SDK1: variants seen among roughly 807,000 people sequenced by gnomAD.
SDK1 encodes the protein protein sidekick-1.
Under a neutral mutation model 245.5 loss-of-function variants are expected in SDK1, and 157 were observed. The observed-to-expected ratio is 0.64, with a 90% confidence interval of 0.56 to 0.73. The LOEUF (loss-of-function observed/expected upper bound fraction) is 0.73. Among genes scored for constraint, SDK1 ranks in the 30% least tolerant of loss-of-function variants. SDK1 has a pLI of 0.00. For missense variants in SDK1, 3,583 were observed against 3,002.3 expected (o/e 1.19, Z -4.52); for synonymous variants, 1,647 against 1,278.5 (o/e 1.29, Z -6.15).
chr7:4,010,469 A>G (rs899298687), intron 14 of SDK1, among the ~76,000 whole-genome samples: 1 of 152,182 alleles, frequency 6.6e-6, no homozygotes, highest in African/African-American at 2.4e-5. Flanking sequence ...GTGGTGGTGT[A>G]ATGGGCCTGC....
At chr7:3,675,110 C>T (rs988072012) in intron 4 of SDK1, among the ~76,000 whole-genome samples, 1 of 152,212 alleles carries the variant, frequency 6.6e-6, no homozygotes, top group Non-Finnish European at 1.5e-5. Flanking sequence ...TAACAGATAT[C>T]TCCAATGTTG....
chr7:3,926,341 T>C (rs1779766690), intron 5 of SDK1, among the ~76,000 whole-genome samples: 1 of 152,232 alleles, frequency 6.6e-6, no homozygotes, highest in Non-Finnish European at 1.5e-5. Context: ...GTGTCTGGCA[T>C]ACAGTAGGCA....
intron 42 of SDK1, among the ~76,000 whole-genome samples, chr7:4,238,409 T>C (rs1440240950): frequency 6.6e-6 from 1 of 151,806 alleles, no homozygotes; most frequent in African/African-American, 2.4e-5. Context: ...TATTAGAAAG[T>C]GAGGTGTGTC....
intron 1 of SDK1, among the ~76,000 whole-genome samples, chr7:3,375,856 T>C (rs530532880): frequency 6.6e-6 from 1 of 152,326 alleles, no homozygotes; most frequent in East Asian, 1.9e-4. Flanking sequence ...GCTCCTGAAT[T>C]TCTGACTCAC....
intron 4 of SDK1, among the ~76,000 whole-genome samples, chr7:3,702,257 T>C (rs986756960): frequency 1.3e-5 from 2 of 152,222 alleles, no homozygotes; most frequent in African/African-American, 4.8e-5. Flanking sequence ...TTGGAATACA[T>C]AAAGATTTCT....
At chr7:3,554,177 G>A (rs752367879) in intron 1 of SDK1, among the ~76,000 whole-genome samples, 2 of 152,048 alleles carry the variant, frequency 1.3e-5, no homozygotes, top group Non-Finnish European at 2.9e-5. Context: ...AGAATTCGTG[G>A]GACATTCACC....
chr7:3,625,603 G>T (rs772862897), intron 2 of SDK1, among the ~76,000 whole-genome samples: 5 of 152,228 alleles, frequency 3.3e-5, no homozygotes, highest in Non-Finnish European at 7.3e-5. Flanking sequence ...TGTTTGCAAC[G>T]TCTATGGAGT....
intron 5 of SDK1, among the ~76,000 whole-genome samples, chr7:3,933,319 C>T (rs1030962293): frequency 6.6e-6 from 1 of 152,014 alleles, no homozygotes; most frequent in African/African-American, 2.4e-5. Flanking sequence ...TACCATGTTG[C>T]CATGGCTGGT....
intron 1 of SDK1, among the ~76,000 whole-genome samples, chr7:3,484,699 C>T (rs1000118527): frequency 6.6e-6 from 1 of 152,156 alleles, no homozygotes; most frequent in Non-Finnish European, 1.5e-5. Flanking sequence ...AACACTGTTG[C>T]ACTCACTACC....
intron 17 of SDK1, among the ~76,000 whole-genome samples, chr7:4,023,276 A>C (rs902329703): frequency 6.6e-6 from 1 of 152,064 alleles, no homozygotes. Context: ...AATCCCATTT[A>C]ATAGATTTTA....
rs370492256 is a variant in SDK1, at chr7:3,428,385, C to T, written c.298+126501C>T. ...TCAGAACTGTGCAAAGCAAGGACTG[C>T]GAGTATGTTATAACCATTTCACAAA... On this transcript the variant is annotated intron_variant, in intron 1 of 44. Coordinates refer to ENST00000404826, the MANE Select transcript of SDK1 (RefSeq NM_152744.4). Among the ~76,000 whole-genome samples the T allele has an allele frequency of 1.4e-4, 22 of 152,144 alleles. No homozygotes were observed. In the East Asian group the frequency reaches 1.7e-3, roughly 12 times the overall value.
chr7:3,974,575 G>A, intron 13 of SDK1, 30 bp downstream of exon 13: 1 of 1,601,378 alleles, frequency 6.2e-7, no homozygotes. Context: ...GTGTTAGCCA[G>A]TCCGCGGTTT....
At chr7:4,109,281 G>A (rs754279948) in intron 22 of SDK1, among the ~76,000 whole-genome samples, 11 of 152,152 alleles carry the variant, frequency 7.2e-5, no homozygotes, top group African/African-American at 9.7e-5. Flanking sequence ...AGAGTTTTGC[G>A]CTTTGCCTTT....
At chr7:3,539,259 C>T (rs1417081957) in intron 1 of SDK1, among the ~76,000 whole-genome samples, 2 of 152,116 alleles carry the variant, frequency 1.3e-5, no homozygotes, top group African/African-American at 4.8e-5. Flanking sequence ...TTTCCAGTTG[C>T]TGCTTAGTTT....
intron 1 of SDK1, among the ~76,000 whole-genome samples, chr7:3,607,209 C>G (rs1781452276): frequency 6.6e-6 from 1 of 151,622 alleles, no homozygotes; most frequent in South Asian, 2.1e-4. Context: ...TGATCATTTC[C>G]TTTTATTTTA....
At chr7:3,993,152 C>T (rs934602114) in intron 14 of SDK1, among the ~76,000 whole-genome samples, 1 of 152,134 alleles carries the variant, frequency 6.6e-6, no homozygotes, top group African/African-American at 2.4e-5. Context: ...CGGCATTGCA[C>T]AGTGTTAGAA....
intron 36 of SDK1, 117 bp downstream of exon 36, chr7:4,206,111 G>C: frequency 1.5e-6 from 1 of 680,374 alleles, no homozygotes. Flanking sequence ...TGGAGAGCTG[G>C]GGCCCAAGCG....
At chr7:3,560,555 C>G (rs762786561) in intron 1 of SDK1, among the ~76,000 whole-genome samples, 2 of 152,166 alleles carry the variant, frequency 1.3e-5, no homozygotes, top group Non-Finnish European at 2.9e-5. Flanking sequence ...TGTCTCTTAC[C>G]TGGATTCCTG....
At chr7:3,419,503 C>T (rs774654093) in intron 1 of SDK1, among the ~76,000 whole-genome samples, 7 of 152,142 alleles carry the variant, frequency 4.6e-5, no homozygotes, top group African/African-American at 7.2e-5. Flanking sequence ...CCGGCAGGTC[C>T]GCAGGGGGTT....
Sources: gnomAD v4.1 joint callset for allele counts (sites outside exome capture counted in the v4.1 genomes callset) on GRCh38, gnomAD v4.1.1 for gene constraint, MANE v1.5 for transcripts, NCBI Gene and HGNC (gene_info 2026-07-23, HGNC 2026-07-21) for gene names.